NTN4: variants seen among roughly 807,000 people sequenced by gnomAD.
NTN4 encodes the protein netrin 4, also known as netrin-4.
A neutral mutation model predicts 73.6 loss-of-function variants in NTN4; 32 were observed. The ratio of observed to expected loss-of-function variants is 0.44; its 90% CI spans 0.33 to 0.58. The LOEUF is 0.58. Among genes scored for constraint, NTN4 ranks in the 20% least tolerant of loss-of-function variants. The probability of loss-of-function intolerance (pLI) is 0.04; values close to 1 mark genes in which losing one functional copy is unlikely to be tolerated. For missense variants in NTN4, 654 were observed against 798.3 expected, an observed-to-expected ratio of 0.82 and a Z score of 2.18; for synonymous variants, 258 against 287.5, an observed-to-expected ratio of 0.90 and a Z score of 1.04.
At chr12:95,693,531 G>A (rs2078417610) in intron 5 of NTN4, among the ~76,000 whole-genome samples, 1 of 151,914 alleles carries the variant, frequency 6.6e-6, no homozygotes, top group East Asian at 1.9e-4. Context: ...AGGATTTAGA[G>A]ACCAGCCCGA....
At chr12:95,724,430 A>T (rs1383094668) in intron 3 of NTN4, among the ~76,000 whole-genome samples, 1 of 152,204 alleles carries the variant, frequency 6.6e-6, no homozygotes, top group Non-Finnish European at 1.5e-5. Context: ...ACTTGACTAG[A>T]TCCTACAAGT....
At position 95,662,236 on chromosome 12, in the gene NTN4, T is replaced by TG. The variant is rs1271926310; in HGVS notation, c.1751-3015_1751-3014insC. 2.0e-3 allele frequency among the ~76,000 whole-genome samples: 6 copies of TG among 2,928 alleles called. No individual in the cohort carries two copies. In the South Asian group the frequency reaches 0.12, roughly 61 times the overall value. 1.9% of individuals were successfully genotyped at this position (2,928 alleles called of 152,430 possible). ...TCCTTCTGTTCTTCCTTTTTCTTTC[T>TG]TTTTTTTTTTTTTTGACAGGGTCTC... On this transcript the variant is annotated intron_variant, in intron 9 of 9. Coordinates refer to ENST00000343702, the MANE Select transcript of NTN4 (RefSeq NM_021229.4).
chr12:95,712,991 T>C (rs1286097095), intron 4 of NTN4, among the ~76,000 whole-genome samples: 1 of 151,902 alleles, frequency 6.6e-6, no homozygotes, highest in Non-Finnish European at 1.5e-5. Context: ...TCCAAGCAAA[T>C]AGGCAACATA....
intron 2 of NTN4, among the ~76,000 whole-genome samples, chr12:95,750,173 T>C (rs923925590): frequency 7.5e-5 from 11 of 146,726 alleles, no homozygotes; most frequent in Admixed American, 2.1e-4. Context: ...CGACCCCTTA[T>C]TTCCATGCCC....
chr12:95,683,261 C>G (rs1197483887), intron 6 of NTN4, among the ~76,000 whole-genome samples: 1 of 152,128 alleles, frequency 6.6e-6, no homozygotes, highest in African/African-American at 2.4e-5. Flanking sequence ...GGGGTTTCAT[C>G]ATGTTGGCCA....
chr12:95,676,074 A>G (rs577685657), intron 7 of NTN4, among the ~76,000 whole-genome samples: 1 of 152,278 alleles, frequency 6.6e-6, no homozygotes, highest in Admixed American at 6.5e-5. Flanking sequence ...ATGAAATTAG[A>G]TTAGAGATAA....
At chr12:95,668,960 C>A (rs1256206577) in intron 8 of NTN4, among the ~76,000 whole-genome samples, 1 of 152,188 alleles carries the variant, frequency 6.6e-6, no homozygotes, top group Non-Finnish European at 1.5e-5. Context: ...CCTGTCTCTA[C>A]TAAAAATACA....
intron 2 of NTN4, among the ~76,000 whole-genome samples, chr12:95,769,751 CTTTTTTTTT>C (rs34093723): frequency 8.5e-5 from 10 of 117,108 alleles, no homozygotes; most frequent in South Asian, 2.7e-4. Context: ...AGGTTTCAAT[CTTTTTTTTT>C]TTTTTTTTTT....
chr12:95,675,407 G>A (rs1565880051), intron 7 of NTN4, among the ~76,000 whole-genome samples: 1 of 152,208 alleles, frequency 6.6e-6, no homozygotes, highest in Non-Finnish European at 1.5e-5. Context: ...TGGGTGGATA[G>A]AATTTAGGTG....
intron 2 of NTN4, among the ~76,000 whole-genome samples, chr12:95,759,399 A>T (rs1242054442): frequency 6.6e-6 from 1 of 151,342 alleles, no homozygotes; most frequent in Non-Finnish European, 1.5e-5. Context: ...TCTGTCTGTG[A>T]TTCATTAATA....
chr12:95,759,453 C>T (rs190231910), intron 2 of NTN4, among the ~76,000 whole-genome samples: 5 of 151,456 alleles, frequency 3.3e-5, no homozygotes, highest in African/African-American at 1.2e-4. Flanking sequence ...TTTTCCTCTG[C>T]ACTATCTAAT....
chr12:95,685,487 T>C (rs1398480457), intron 5 of NTN4, among the ~76,000 whole-genome samples: 1 of 152,218 alleles, frequency 6.6e-6, no homozygotes, highest in Non-Finnish European at 1.5e-5. Context: ...CTACATCTCA[T>C]GGAGAGTTCA....
rs2078580001 is a variant in NTN4, at chr12:95,713,294, G to A, written c.909C>T (p.His303=). 2 of 1,612,686 alleles carry A rather than the reference G, an allele frequency of 1.2e-6. No individual in the cohort carries two copies. Among genetic ancestry groups the A allele is most frequent in the East Asian group, 4.5e-5 (2 of 44,828 alleles). ...TGTATAACGGGGCACAGTGCTGGCA[G>A]TGGCTGCCTGCTGTGTTGTGCTTAC... The part of the protein sequence containing the change: ...CMCKHNTAGS[H]CQHCAPLYND... The change falls in exon 4 of 10, where the codon CAC becomes CAT. Residue 303 remains histidine (H), a synonymous_variant. Coordinates refer to ENST00000343702, the MANE Select transcript of NTN4 (RefSeq NM_021229.4).
At chr12:95,702,628 C>T (rs533449483) in intron 5 of NTN4, among the ~76,000 whole-genome samples, 3 of 152,250 alleles carry the variant, frequency 2.0e-5, no homozygotes, top group African/African-American at 7.2e-5. Flanking sequence ...ATGATATTGT[C>T]ATCATCATCA....
chr12:95,718,313 C>T (rs974851527), intron 3 of NTN4, among the ~76,000 whole-genome samples: 1 of 152,106 alleles, frequency 6.6e-6, no homozygotes, highest in Non-Finnish European at 1.5e-5. Context: ...TGGGGCAGAA[C>T]GCTTTCAGTA....
At chr12:95,710,662 T>C (rs1592679047) in intron 4 of NTN4, 33 bp from the exon 5 acceptor site, 2 of 1,585,896 alleles carry the variant, frequency 1.3e-6, no homozygotes, top group Non-Finnish European at 1.7e-6. Flanking sequence ...GAAACACTAA[T>C]AAGTAAAAAT....
chr12:95,732,999 T>C (rs1023438942), intron 3 of NTN4, among the ~76,000 whole-genome samples: 5 of 152,328 alleles, frequency 3.3e-5, no homozygotes, highest in African/African-American at 1.2e-4. Flanking sequence ...CCCTCAGACT[T>C]AGACGCATCA....
At chr12:95,683,259 A>C (rs1435525731) in intron 6 of NTN4, among the ~76,000 whole-genome samples, 1 of 152,164 alleles carries the variant, frequency 6.6e-6, no homozygotes, top group Admixed American at 6.5e-5. Flanking sequence ...ATGGGGTTTC[A>C]TCATGTTGGC....
At position 95,694,012 on chromosome 12, in the gene NTN4, C is replaced by T. The variant is rs557436160; in HGVS notation, c.1181-10301G>A. On this transcript the variant is annotated intron_variant, in intron 5 of 9. Coordinates refer to ENST00000343702, the MANE Select transcript of NTN4 (RefSeq NM_021229.4). ...TCAAAGGAGGTAATTGCTGCCGGTT[C>T]ATCTTTATTCCCACCTTCCACTAGA... Among the ~76,000 whole-genome samples the T allele has an allele frequency of 3.2e-4, 48 of 152,146 alleles. 1 individual carries two copies. In the South Asian group the frequency reaches 9.8e-3, roughly 31 times the overall value.
Sources: gnomAD v4.1 joint callset for allele counts (sites outside exome capture counted in the v4.1 genomes callset) on GRCh38, gnomAD v4.1.1 for gene constraint, MANE v1.5 for transcripts, NCBI Gene and HGNC (gene_info 2026-07-23, HGNC 2026-07-21) for gene names.